THSD7B: variants seen among roughly 807,000 people sequenced by gnomAD.
The protein encoded by THSD7B is thrombospondin type-1 domain-containing protein 7B.
A neutral mutation model predicts 213.6 loss-of-function variants in THSD7B; 138 were observed. The ratio of observed to expected loss-of-function variants is 0.65; its 90% CI spans 0.56 to 0.74. The LOEUF (loss-of-function observed/expected upper bound fraction) is 0.74, where lower values mean the gene tolerates loss of function less well. THSD7B is among the 30% of genes least tolerant of loss of function. THSD7B has a pLI of 0.00. For synonymous variants in THSD7B, 742 were observed against 687.0 expected, an observed-to-expected ratio of 1.08 and a Z score of -1.25; for missense variants, 1,931 against 1,991.5, an observed-to-expected ratio of 0.97 and a Z score of 0.58.
At chr2:137,355,166 T>C (rs1685100273) in intron 12 of THSD7B, among the ~76,000 whole-genome samples, 1 of 152,156 alleles carries the variant, frequency 6.6e-6, no homozygotes, top group Non-Finnish European at 1.5e-5. Context: ...AGCCACAAAC[T>C]TTGAGACATT....
intron 1 of THSD7B, among the ~76,000 whole-genome samples, chr2:136,802,677 A>ATATATATATATATATT (rs1682211198): frequency 8.2e-6 from 1 of 122,560 alleles, no homozygotes; most frequent in Non-Finnish European, 1.7e-5. Flanking sequence ...ATATATATAT[A>ATATATATATATATATT]TATATGTAGT....
chr2:137,477,342 T>C (rs1688214551), intron 15 of THSD7B, among the ~76,000 whole-genome samples: 1 of 152,198 alleles, frequency 6.6e-6, no homozygotes, highest in East Asian at 1.9e-4. Flanking sequence ...TTTTGCTTTC[T>C]GTTTGCATAT....
chr2:137,006,356 C>G (rs1162165645), intron 2 of THSD7B, among the ~76,000 whole-genome samples: 1 of 152,178 alleles, frequency 6.6e-6, no homozygotes, highest in African/African-American at 2.4e-5. Context: ...GATGACACCA[C>G]TGCACTCCAG....
At chr2:137,666,055 CTTAT>C (rs1009407879) in intron 26 of THSD7B, among the ~76,000 whole-genome samples, 13 of 152,024 alleles carry the variant, frequency 8.6e-5, no homozygotes, top group Admixed American at 6.6e-5. Flanking sequence ...GGTGGGAAGA[CTTAT>C]TTTTCACTAT....
intron 3 of THSD7B, among the ~76,000 whole-genome samples, chr2:137,090,506 T>C (rs1442557420): frequency 6.6e-6 from 1 of 152,186 alleles, no homozygotes; most frequent in African/African-American, 2.4e-5. Context: ...TATTTGTAAA[T>C]AGGGAGATTT....
chr2:137,598,132 G>A (rs1221170262), intron 17 of THSD7B, among the ~76,000 whole-genome samples: 2 of 151,832 alleles, frequency 1.3e-5, no homozygotes, highest in African/African-American at 2.4e-5. Flanking sequence ...ATGCACATAT[G>A]CATATTTTTA....
intron 7 of THSD7B, among the ~76,000 whole-genome samples, chr2:137,229,717 C>A (rs1290692602): frequency 1.3e-5 from 2 of 152,134 alleles, no homozygotes; most frequent in African/African-American, 4.8e-5. Flanking sequence ...CTCCCCAGCT[C>A]AGGCCCGTGT....
intron 12 of THSD7B, among the ~76,000 whole-genome samples, chr2:137,343,612 T>A (rs1684809510): frequency 6.6e-6 from 1 of 151,706 alleles, no homozygotes; most frequent in Non-Finnish European, 1.5e-5. Context: ...TTAGACTTTG[T>A]CCCCAGATAC....
intron 12 of THSD7B, among the ~76,000 whole-genome samples, chr2:137,404,297 C>T (rs1686443731): frequency 6.6e-6 from 1 of 151,154 alleles, no homozygotes; most frequent in South Asian, 2.1e-4. Context: ...TCGGTATCTA[C>T]CCAGAGGAAA....
intron 12 of THSD7B, among the ~76,000 whole-genome samples, chr2:137,356,591 A>G (rs1685133490): frequency 6.6e-6 from 1 of 152,180 alleles, no homozygotes; most frequent in Non-Finnish European, 1.5e-5. Flanking sequence ...GGACGTTGGT[A>G]ATCATGACAC....
intron 15 of THSD7B, among the ~76,000 whole-genome samples, chr2:137,460,499 G>A (rs919807125): frequency 1.3e-5 from 2 of 151,992 alleles, no homozygotes; most frequent in African/African-American, 4.8e-5. Context: ...ATCTCATGGA[G>A]CATTTGGATT....
chr2:137,178,686 G>A (rs1174927940), intron 7 of THSD7B, among the ~76,000 whole-genome samples: 5 of 152,218 alleles, frequency 3.3e-5, no homozygotes, highest in African/African-American at 7.2e-5. Flanking sequence ...GTGAAGGTGG[G>A]AGTAGATGTA....
At chr2:136,771,374 C>T (rs181285113) in intron 1 of THSD7B, among the ~76,000 whole-genome samples, 5 of 152,076 alleles carry the variant, frequency 3.3e-5, no homozygotes, top group East Asian at 1.9e-4. Context: ...CTAGATGGTC[C>T]CTGAAAAACG....
intron 17 of THSD7B, among the ~76,000 whole-genome samples, chr2:137,615,821 T>A (rs540618411): frequency 1.6e-4 from 24 of 149,704 alleles, no homozygotes; most frequent in East Asian, 9.8e-4. Flanking sequence ...TTCCTTTTTT[T>A]AAAAAAAAAA....
intron 14 of THSD7B, among the ~76,000 whole-genome samples, chr2:137,432,972 C>T (rs1233707709): frequency 6.6e-6 from 1 of 152,186 alleles, no homozygotes; most frequent in Non-Finnish European, 1.5e-5. Flanking sequence ...GGCTCATTTA[C>T]TCATTAACAT....
intron 2 of THSD7B, among the ~76,000 whole-genome samples, chr2:136,988,001 C>T (rs1194621427): frequency 1.3e-5 from 2 of 152,146 alleles, no homozygotes; most frequent in Non-Finnish European, 2.9e-5. Flanking sequence ...TTTAACAAAA[C>T]CTTTATTGAA....
chr2:137,005,948 A>G (rs1357911370), intron 2 of THSD7B, among the ~76,000 whole-genome samples: 3 of 152,218 alleles, frequency 2.0e-5, no homozygotes, highest in African/African-American at 7.2e-5. Context: ...TATATAAATT[A>G]TGTTTATTAT....
At chr2:136,840,495 G>A (rs1682905262) in intron 1 of THSD7B, among the ~76,000 whole-genome samples, 2 of 152,174 alleles carry the variant, frequency 1.3e-5, no homozygotes, top group Non-Finnish European at 2.9e-5. Flanking sequence ...TTGCTAGGCA[G>A]GCAGAAGAGG....
intron 14 of THSD7B, among the ~76,000 whole-genome samples, chr2:137,425,297 A>C (rs1018109771): frequency 6.6e-6 from 1 of 151,628 alleles, no homozygotes; most frequent in Non-Finnish European, 1.5e-5. Context: ...AATCACTCCA[A>C]CCTCCACCTC....
Sources: allele counts gnomAD v4.1 joint callset (sites outside exome capture counted in the v4.1 genomes callset), GRCh38; gene constraint gnomAD v4.1.1; transcripts MANE v1.5; gene names NCBI Gene and HGNC (gene_info 2026-07-23, HGNC 2026-07-21).